ASAP1: variants seen among roughly 807,000 people sequenced by gnomAD.
The protein encoded by ASAP1 is ArfGAP with SH3 domain, ankyrin repeat and PH domain 1, also known as arf-GAP with SH3 domain, ANK repeat and PH domain-containing protein 1.
Under a neutral mutation model 145.2 loss-of-function variants are expected in ASAP1, and 43 were observed. That is an observed-to-expected ratio of 0.30 (90% confidence interval 0.23 to 0.38). The LOEUF is 0.38. Among genes scored for constraint, ASAP1 ranks in the 10% least tolerant of loss-of-function variants. The pLI is 1.00. For synonymous variants in ASAP1, 546 were observed against 515.5 expected (o/e 1.06, Z -0.80); for missense variants, 1,018 against 1,355.3 (o/e 0.75, Z 3.91).
intron 1 of ASAP1, among the ~76,000 whole-genome samples, chr8:130,432,708 G>A (rs564574604): frequency 2.6e-5 from 4 of 151,994 alleles, no homozygotes; most frequent in African/African-American, 4.8e-5. Context: ...ACCCCAGTAC[G>A]TCCCACAAAA....
At chr8:130,222,262 ATG>A (rs1218348309) in intron 4 of ASAP1, among the ~76,000 whole-genome samples, 1 of 134,858 alleles carries the variant, frequency 7.4e-6, no homozygotes, top group Non-Finnish European at 1.5e-5. Flanking sequence ...AACTGACACT[ATG>A]TGTTATACCT....
chr8:130,358,182 G>A lies in ASAP1; in HGVS notation c.60-39C>T, dbSNP rs1349770539. On this transcript the variant is annotated intron_variant, in intron 2 of 29. Transcript: ENST00000518721. This position sits in a 1 kb window ranked among gnomAD's most constrained non-coding sequence, Gnocchi z 4.1. ...CGAGACACAAGCGGGGGCGGGGGGT[G>A]AGTCACGGCGCAGGCTCCCGGGGCC... 2.6e-6 allele frequency: 4 copies of A among 1,567,398 alleles called. No homozygotes were observed. Among genetic ancestry groups the A allele is most frequent in the East Asian group, 2.3e-5 (1 of 42,704 alleles).
chr8:130,429,730 T>G (rs886409860), intron 1 of ASAP1, among the ~76,000 whole-genome samples: 1 of 152,176 alleles, frequency 6.6e-6, no homozygotes, highest in African/African-American at 2.4e-5. Flanking sequence ...CAACCAACTT[T>G]CAACTTGTTC....
rs1278375978 is a variant in ASAP1 at position 130,320,690 on chromosome 8, A to C, written c.186+37327T>G. Among the ~76,000 whole-genome samples, 4 of 152,142 alleles carry C rather than the reference A, an allele frequency of 2.6e-5. No homozygotes were observed. In the East Asian group the frequency reaches 7.7e-4, roughly 29 times the overall value. On this transcript the variant is annotated intron_variant, in intron 3 of 29. Transcript: ENST00000518721. ...CCTAGATGTAGCTTTCCACACAACC[A>C]GGAAGAAGTATCATTCCTCTCTAGT...
In ASAP1 at chr8:130,280,952, A is replaced by G. The variant is rs572527940; in HGVS notation, c.187-43958T>C. On this transcript the variant is annotated intron_variant, in intron 3 of 29. Transcript: ENST00000518721. The stretch of plus-strand genomic sequence containing the variant: ...GATCTGTCTAAAAATGGGTGAGTAA[A>G]TATGTTTACAGATTCACTTTTTCCA... 9.2e-5 allele frequency among the ~76,000 whole-genome samples: 14 copies of G among 152,292 alleles called. No individual in the cohort carries two copies. In the East Asian group the frequency reaches 2.1e-3, roughly 23 times the overall value.
intron 27 of ASAP1, among the ~76,000 whole-genome samples, chr8:130,072,824 T>TGTGTGTGTGTGTGCGCGCGCGCGCGCGC: frequency 4.6e-4 from 15 of 32,310 alleles, no homozygotes; most frequent in Middle Eastern, 0.016. Context: ...TGTGTGTGTG[T>TGTGTGTGTGTGTGCGCGCGCGCGCGCGC]GCGCGCGGGG....
rs572707815 is a variant in ASAP1, at chr8:130,206,329, C to T, written c.405+8227G>A. ...CTACCAATTTTACCATTAGGCACAT[C>T]CATGCTCTCCATACTTTTTAACATT... On this transcript the variant is annotated intron_variant, in intron 5 of 29. Transcript: ENST00000518721. Among the ~76,000 whole-genome samples, 5 of 152,182 alleles carry T rather than the reference C, an allele frequency of 3.3e-5. No individual in the cohort carries two copies. In the East Asian group the frequency reaches 9.6e-4, roughly 29 times the overall value.
At chr8:130,409,424 C>T (rs16904266) in intron 1 of ASAP1, among the ~76,000 whole-genome samples, 6,193 of 152,234 alleles carry the variant, frequency 0.041, 193 homozygotes, top group African/African-American at 0.09. Flanking sequence ...CCTGATCAGC[C>T]CTGATTTAGG....
At chr8:130,403,620 T>C (rs2138588519) in intron 1 of ASAP1, among the ~76,000 whole-genome samples, 1 of 151,186 alleles carries the variant, frequency 6.6e-6, no homozygotes, top group East Asian at 1.9e-4. Context: ...TGGCGCGATC[T>C]TGGCTCATTG....
chr8:130,129,028 G>A (rs529339926), intron 15 of ASAP1, among the ~76,000 whole-genome samples: 33 of 152,258 alleles, frequency 2.2e-4, no homozygotes, highest in South Asian at 8.3e-4. Context: ...CAAGGTGGCG[G>A]TTTCCCCCAT....
intron 2 of ASAP1, among the ~76,000 whole-genome samples, chr8:130,364,654 T>C (rs1265623116): frequency 6.6e-6 from 1 of 152,230 alleles, no homozygotes; most frequent in East Asian, 1.9e-4. Context: ...CAAGCTTGAC[T>C]GGTCTAGAGA....
At chr8:130,167,668 C>G (rs955412833) in intron 10 of ASAP1, 46 bp from the exon 11 acceptor site, 5 of 1,381,246 alleles carry the variant, frequency 3.6e-6, no homozygotes, top group Admixed American at 3.5e-5. Flanking sequence ...TACACTTTCA[C>G]AGGCAGAGTT....
chr8:130,427,632 A>C (rs897454178), intron 1 of ASAP1: 1 of 152,292 alleles, frequency 6.6e-6, no homozygotes, highest in African/African-American at 2.4e-5. Context: ...AGCAAGGGAC[A>C]GAGCCAGATT....
chr8:130,279,802 G>C (rs1821147430), intron 3 of ASAP1, among the ~76,000 whole-genome samples: 1 of 152,204 alleles, frequency 6.6e-6, no homozygotes, highest in Non-Finnish European at 1.5e-5. Context: ...GCGTTAAGCA[G>C]GAAACCGGTC....
chr8:130,203,180 A>C (rs1815981145), intron 5 of ASAP1, among the ~76,000 whole-genome samples: 1 of 152,156 alleles, frequency 6.6e-6, no homozygotes, highest in South Asian at 2.1e-4. Context: ...TTCCATGAAA[A>C]GTCAATGTTT....
chr8:130,192,974 A>C (rs1041776081), intron 5 of ASAP1, among the ~76,000 whole-genome samples: 4 of 152,362 alleles, frequency 2.6e-5, no homozygotes, highest in East Asian at 1.9e-4. Context: ...GCCAAAAAAA[A>C]CGAGAAAGCT....
chr8:130,206,089 T>C (rs1462021260), intron 5 of ASAP1, among the ~76,000 whole-genome samples: 1 of 152,104 alleles, frequency 6.6e-6, no homozygotes, highest in African/African-American at 2.4e-5. Context: ...GAGTTAAAAA[T>C]AAACCTTTCC....
At chr8:130,246,362 A>G (rs556819458) in intron 3 of ASAP1, among the ~76,000 whole-genome samples, 9 of 152,260 alleles carry the variant, frequency 5.9e-5, no homozygotes, top group African/African-American at 1.9e-4. Context: ...AACCCTTGAT[A>G]TGGTTTGGCT....
chr8:130,436,587 A>G (rs1830320630), intron 1 of ASAP1, among the ~76,000 whole-genome samples: 2 of 152,224 alleles, frequency 1.3e-5, no homozygotes, highest in Admixed American at 1.3e-4. Flanking sequence ...TTGGGCTTAC[A>G]TGCATGAGCC....
Sources: allele counts gnomAD v4.1 joint callset (sites outside exome capture counted in the v4.1 genomes callset), GRCh38; gene constraint gnomAD v4.1.1; non-coding constraint Gnocchi (gnomAD v3.1); transcripts MANE v1.5; gene names NCBI Gene and HGNC (gene_info 2026-07-23, HGNC 2026-07-21).